LDAH: variants seen among roughly 807,000 people sequenced by gnomAD.
LDAH encodes lipid droplet associated hydrolase.
Under a neutral mutation model 29.6 loss-of-function variants are expected in LDAH, and 26 were observed. The ratio of observed to expected loss-of-function variants is 0.88; its 90% CI spans 0.64 to 1.22. The LOEUF is 1.22. Ranked by LOEUF, LDAH falls within the 50% of genes most tolerant of loss-of-function variation. LDAH has a pLI of 0.00. For synonymous variants in LDAH, 117 were observed against 133.0 expected (o/e 0.88, Z 0.83); for missense variants, 344 against 387.3 (o/e 0.89, Z 0.94).
chr2:20,688,488 G>C (rs1662731785), intron 6 of LDAH, among the ~76,000 whole-genome samples: 1 of 152,128 alleles, frequency 6.6e-6, no homozygotes, highest in South Asian at 2.1e-4. Flanking sequence ...GACATGCTGA[G>C]GTCCCTATGT....
At chr2:20,754,227 C>G (rs1028438494) in intron 4 of LDAH, among the ~76,000 whole-genome samples, 2 of 151,974 alleles carry the variant, frequency 1.3e-5, no homozygotes, top group Non-Finnish European at 2.9e-5. Flanking sequence ...GTGGCTCATG[C>G]CTATAATCCT....
At chr2:20,695,891 T>C (rs1477233068) in intron 6 of LDAH, among the ~76,000 whole-genome samples, 1 of 152,184 alleles carries the variant, frequency 6.6e-6, no homozygotes, top group Non-Finnish European at 1.5e-5. Flanking sequence ...AGCAGGGTCA[T>C]GAACAAGGGT....
At chr2:20,742,374 G>A (rs1667241418) in intron 4 of LDAH, among the ~76,000 whole-genome samples, 1 of 152,164 alleles carries the variant, frequency 6.6e-6, no homozygotes, top group Non-Finnish European at 1.5e-5. Context: ...TGCTGGATCT[G>A]TCCATTTCTG....
At chr2:20,783,645 T>C (rs1326662015) in intron 3 of LDAH, among the ~76,000 whole-genome samples, 3 of 152,214 alleles carry the variant, frequency 2.0e-5, no homozygotes, top group Admixed American at 1.3e-4. Flanking sequence ...TATATCTCTG[T>C]ATATCCCTTT....
intron 4 of LDAH, among the ~76,000 whole-genome samples, chr2:20,767,168 C>G (rs1669097931): frequency 6.6e-6 from 1 of 152,206 alleles, no homozygotes; most frequent in Non-Finnish European, 1.5e-5. Context: ...AGCCCCTGCC[C>G]CAGGCTGTGA....
intron 3 of LDAH, among the ~76,000 whole-genome samples, chr2:20,783,869 G>A (rs577929771): frequency 6.6e-6 from 1 of 152,186 alleles, no homozygotes; most frequent in South Asian, 2.1e-4. Context: ...GTGCCAGCAC[G>A]CCTGACTAAT....
At chr2:20,819,312 TA>T (rs1673081214) in intron 1 of LDAH, among the ~76,000 whole-genome samples, 1 of 152,164 alleles carries the variant, frequency 6.6e-6, no homozygotes, top group South Asian at 2.1e-4. Flanking sequence ...CTATATTAAA[TA>T]CACTCATTAG....
At chr2:20,717,167 T>A (rs895141614) in intron 5 of LDAH, among the ~76,000 whole-genome samples, 20 of 152,128 alleles carry the variant, frequency 1.3e-4, no homozygotes, top group Non-Finnish European at 4.4e-5. Context: ...GAAGATAACA[T>A]AGGAGAATAT....
chr2:20,690,362 T>C lies in LDAH; in HGVS notation c.787-3268A>G, dbSNP rs566954075. Among the ~76,000 whole-genome samples, 697 of 152,336 alleles carry C rather than the reference T, an allele frequency of 4.6e-3. 4 individuals are homozygous for C. Among genetic ancestry groups the C allele is most frequent in the African/African-American group, 0.016 (662 of 41,578 alleles). On this transcript the variant is annotated intron_variant, in intron 6 of 6. Coordinates refer to ENST00000237822, the MANE Select transcript of LDAH (RefSeq NM_021925.4). ...CCTCCCGTATGCTTATCTGATTTTA[T>C]TTCTCGATTCTCTACAATCCTTAAA...
intron 4 of LDAH, among the ~76,000 whole-genome samples, chr2:20,758,648 A>C (rs781693639): frequency 3.9e-5 from 6 of 152,234 alleles, no homozygotes; most frequent in Non-Finnish European, 8.8e-5. Flanking sequence ...TACCAAAGGA[A>C]GGACAGAGTA....
intron 5 of LDAH, among the ~76,000 whole-genome samples, chr2:20,719,955 G>A (rs1665527748): frequency 6.6e-6 from 1 of 152,030 alleles, no homozygotes; most frequent in South Asian, 2.1e-4. Context: ...ACGGGGTATA[G>A]AAAAAACATA....
chr2:20,802,091 T>C (rs1363850782), intron 1 of LDAH, among the ~76,000 whole-genome samples: 3 of 151,842 alleles, frequency 2.0e-5, no homozygotes, highest in Non-Finnish European at 2.9e-5. Flanking sequence ...TATATACATA[T>C]ATACGTTGCC....
chr2:20,780,567 G>A (rs1331496518), intron 3 of LDAH, among the ~76,000 whole-genome samples: 2 of 152,078 alleles, frequency 1.3e-5, no homozygotes, highest in Non-Finnish European at 2.9e-5. Flanking sequence ...AAGGAAAGTT[G>A]GGTATAAATG....
At chr2:20,695,538 C>G (rs1572411650) in intron 6 of LDAH, among the ~76,000 whole-genome samples, 1 of 151,830 alleles carries the variant, frequency 6.6e-6, no homozygotes, top group East Asian at 1.9e-4. Context: ...CTGCAACCTC[C>G]CCCTCCTGGG....
chr2:20,759,703 T>C (rs1302388545), intron 4 of LDAH, among the ~76,000 whole-genome samples: 3 of 152,194 alleles, frequency 2.0e-5, no homozygotes, highest in Non-Finnish European at 4.4e-5. Context: ...ATGTTGTTCA[T>C]CTGTTTCCAC....
chr2:20,726,761 A>G (rs1666047592), intron 5 of LDAH, among the ~76,000 whole-genome samples: 1 of 152,222 alleles, frequency 6.6e-6, no homozygotes, highest in African/African-American at 2.4e-5. Context: ...TCATTACGAT[A>G]ATCAATTTAG....
At chr2:20,772,063 A>C (rs1669471879) in intron 4 of LDAH, among the ~76,000 whole-genome samples, 1 of 152,256 alleles carries the variant, frequency 6.6e-6, no homozygotes, top group Non-Finnish European at 1.5e-5. Context: ...CTTGAGATGC[A>C]TTCTACTTCT....
intron 5 of LDAH, among the ~76,000 whole-genome samples, chr2:20,738,398 G>A (rs1572514878): frequency 1.3e-5 from 2 of 148,870 alleles, no homozygotes; most frequent in East Asian, 3.9e-4. Context: ...TAGGGTGGGT[G>A]CATCCCTCCT....
intron 2 of LDAH, among the ~76,000 whole-genome samples, chr2:20,796,855 C>T (rs1182924541): frequency 3.3e-5 from 5 of 152,168 alleles, no homozygotes; most frequent in African/African-American, 1.2e-4. Context: ...AAAACATGGT[C>T]TCAACTCTCA....
Sources: gnomAD v4.1 joint callset for allele counts (sites outside exome capture counted in the v4.1 genomes callset) on GRCh38, gnomAD v4.1.1 for gene constraint, MANE v1.5 for transcripts, NCBI Gene and HGNC (gene_info 2026-07-23, HGNC 2026-07-21) for gene names.